Variants in CTNNA2 observed in about 807,000 individuals in gnomAD.
The protein encoded by CTNNA2 is catenin alpha-2.
Under a neutral mutation model 101.0 loss-of-function variants are expected in CTNNA2, and 42 were observed. That is an observed-to-expected ratio of 0.42 (90% CI 0.32 to 0.54). The LOEUF is 0.54. CTNNA2 is among the 20% of genes least tolerant of loss of function. CTNNA2 has a pLI of 0.14. For synonymous variants in CTNNA2, 450 were observed against 456.4 expected, an observed-to-expected ratio of 0.99 and a Z score of 0.18; for missense variants, 871 against 1,223.1, an observed-to-expected ratio of 0.71 and a Z score of 4.29.
intron 7 of CTNNA2, among the ~76,000 whole-genome samples, chr2:80,070,789 T>C (rs528499061): frequency 2.2e-4 from 33 of 151,794 alleles, no homozygotes; most frequent in African/African-American, 7.5e-4. Flanking sequence ...ATACTCCCCC[T>C]GAAGGCTCTA....
intron 15 of CTNNA2, among the ~76,000 whole-genome samples, chr2:80,601,209 G>T (rs1558633079): frequency 2.6e-5 from 4 of 151,466 alleles, no homozygotes; most frequent in East Asian, 1.9e-4. Context: ...TCTTCTTTTT[G>T]TCTGTGTGTG....
intron 3 of CTNNA2, among the ~76,000 whole-genome samples, chr2:79,829,215 T>G (rs1224355078): frequency 6.6e-6 from 1 of 152,100 alleles, no homozygotes; most frequent in East Asian, 1.9e-4. Flanking sequence ...TGCTTATTCC[T>G]TATGTAAAAA....
chr2:79,449,321 A>T (rs78225288), intron 4 of CTNNA2, among the ~76,000 whole-genome samples: 1,830 of 152,118 alleles, frequency 0.012, 27 homozygotes, highest in African/African-American at 0.042. Flanking sequence ...AGACATTGTT[A>T]TACAGGTGGA....
At chr2:80,155,691 C>A (rs1382416549) in intron 7 of CTNNA2, among the ~76,000 whole-genome samples, 1 of 152,148 alleles carries the variant, frequency 6.6e-6, no homozygotes, top group African/African-American at 2.4e-5. Context: ...GTGACACCTT[C>A]CTCTTGTTCC....
At chr2:79,586,265 T>A (rs1040943057) in intron 1 of CTNNA2, among the ~76,000 whole-genome samples, 1 of 152,146 alleles carries the variant, frequency 6.6e-6, no homozygotes, top group Non-Finnish European at 1.5e-5. Context: ...ATTCTTCTGA[T>A]TACTTTCTGT....
intron 7 of CTNNA2, among the ~76,000 whole-genome samples, chr2:80,081,147 C>T (rs565470752): frequency 6.7e-6 from 1 of 150,268 alleles, no homozygotes; most frequent in African/African-American, 2.4e-5. Flanking sequence ...GCTTAAAGAA[C>T]TTCCCCTTAA....
chr2:80,595,511 A>G (rs1045573094), intron 15 of CTNNA2, among the ~76,000 whole-genome samples: 2 of 152,190 alleles, frequency 1.3e-5, no homozygotes, highest in Non-Finnish European at 2.9e-5. Flanking sequence ...TACTATGTTG[A>G]ATAGGAGTGG....
chr2:79,949,927 G>A (rs1688764438), intron 7 of CTNNA2, among the ~76,000 whole-genome samples: 1 of 152,104 alleles, frequency 6.6e-6, no homozygotes, highest in Non-Finnish European at 1.5e-5. Context: ...TGTAATTGTT[G>A]GAGGATTGAT....
At chr2:80,365,524 G>A (rs1352993341) in intron 7 of CTNNA2, among the ~76,000 whole-genome samples, 1 of 149,478 alleles carries the variant, frequency 6.7e-6, no homozygotes, top group African/African-American at 2.5e-5. Flanking sequence ...TTACATTTTA[G>A]CAAAAACACT....
At chr2:79,282,413 C>G (rs1044882371) in intron 2 of CTNNA2, among the ~76,000 whole-genome samples, 5 of 152,076 alleles carry the variant, frequency 3.3e-5, no homozygotes, top group South Asian at 2.1e-4. Context: ...CCCGCTCCCC[C>G]CACCCTACAA....
intron 16 of CTNNA2, among the ~76,000 whole-genome samples, chr2:80,606,004 G>A (rs1697971660): frequency 6.6e-6 from 1 of 151,750 alleles, no homozygotes; most frequent in African/African-American, 2.4e-5. Context: ...TTCATGTAGA[G>A]GAGGGAAGAG....
intron 3 of CTNNA2, among the ~76,000 whole-genome samples, chr2:79,372,050 T>C (rs1283596375): frequency 1.3e-5 from 2 of 152,120 alleles, no homozygotes; most frequent in Admixed American, 1.3e-4. Flanking sequence ...TGGGAAGCTT[T>C]GAAAACCATG....
At chr2:80,232,855 C>T (rs1346020064) in intron 7 of CTNNA2, among the ~76,000 whole-genome samples, 1 of 152,142 alleles carries the variant, frequency 6.6e-6, no homozygotes, top group Non-Finnish European at 1.5e-5. Flanking sequence ...GTGTTCATCT[C>T]AACTTACACA....
chr2:80,379,630 G>A (rs1393772016), intron 7 of CTNNA2, among the ~76,000 whole-genome samples: 3 of 152,130 alleles, frequency 2.0e-5, no homozygotes, highest in Non-Finnish European at 4.4e-5. Context: ...ATGGAATTTT[G>A]AAGGAAATAT....
chr2:79,982,377 CATAT>C (rs757309908), intron 7 of CTNNA2, among the ~76,000 whole-genome samples: 6 of 73,102 alleles, frequency 8.2e-5, no homozygotes, highest in South Asian at 4.1e-4. Context: ...ATATATATAA[CATAT>C]ATAACATATA....
At chr2:79,279,162 T>A (rs1675294294) in intron 2 of CTNNA2, among the ~76,000 whole-genome samples, 1 of 152,084 alleles carries the variant, frequency 6.6e-6, no homozygotes, top group African/African-American at 2.4e-5. Flanking sequence ...TTCCAAAAGA[T>A]CTATAAAAAC....
intron 2 of CTNNA2, among the ~76,000 whole-genome samples, chr2:79,727,691 A>G (rs907853406): frequency 6.7e-6 from 1 of 150,316 alleles, no homozygotes; most frequent in Non-Finnish European, 1.5e-5. Context: ...CTCGTCATTT[A>G]GCATTAGGTA....
At chr2:80,588,809 C>T (rs1446463789) in intron 14 of CTNNA2, among the ~76,000 whole-genome samples, 1 of 152,162 alleles carries the variant, frequency 6.6e-6, no homozygotes, top group African/African-American at 2.4e-5. Context: ...GACACCTTCA[C>T]TTACACTCAT....
At chr2:80,394,500 T>A (rs775480366) in intron 8 of CTNNA2, among the ~76,000 whole-genome samples, 3 of 152,238 alleles carry the variant, frequency 2.0e-5, no homozygotes, top group Non-Finnish European at 4.4e-5. Flanking sequence ...TACAACATTG[T>A]CCTTTTAGGT....
Sources: gnomAD v4.1 joint callset for allele counts (sites outside exome capture counted in the v4.1 genomes callset) on GRCh38, gnomAD v4.1.1 for gene constraint, MANE v1.5 for transcripts, NCBI Gene and HGNC (gene_info 2026-07-23, HGNC 2026-07-21) for gene names.